Variants in ADAMTS17 observed in about 807,000 individuals in gnomAD.
ADAMTS17 encodes the protein ADAM metallopeptidase with thrombospondin type 1 motif 17.
ADAMTS17 carries 113 observed loss-of-function variants against 141.5 expected under a neutral mutation model. The observed-to-expected ratio is 0.80, with a 90% CI of 0.69 to 0.93. The LOEUF is 0.93. ADAMTS17 is among the 40% of genes least tolerant of loss of function. ADAMTS17 has a pLI of 0.00. For synonymous variants in ADAMTS17, 768 were observed against 630.6 expected (o/e 1.22, Z -3.27); for missense variants, 1,659 against 1,517.9 (o/e 1.09, Z -1.54).
chr15:100,299,175 T>G (rs2044932874), intron 3 of ADAMTS17, among the ~76,000 whole-genome samples: 1 of 152,148 alleles, frequency 6.6e-6, no homozygotes. Flanking sequence ...TAGTTAGTAC[T>G]TCAACCTATG....
chr15:100,218,919 G>A (rs2042050102), intron 7 of ADAMTS17, among the ~76,000 whole-genome samples: 1 of 151,742 alleles, frequency 6.6e-6, no homozygotes, highest in Non-Finnish European at 1.5e-5. Flanking sequence ...ACCTGAACAT[G>A]CACACGTCCA....
intron 3 of ADAMTS17, among the ~76,000 whole-genome samples, chr15:100,306,797 G>T (rs1178125730): frequency 6.6e-6 from 1 of 152,166 alleles, no homozygotes; most frequent in Non-Finnish European, 1.5e-5. Context: ...CCAAAGCGGG[G>T]ATGCAGCACC....
Position 100,233,664 on chromosome 15 carries a change from A to G in ADAMTS17, c.1075+20472T>C, listed in dbSNP as rs1026414689. On this transcript the variant is annotated intron_variant, in intron 7 of 21. Coordinates refer to ENST00000268070, the MANE Select transcript of ADAMTS17 (RefSeq NM_139057.4). ...GACAGAGAAACACGCAATGTCCAGC[A>G]ATAACTGAAAACTAAATGGAGAGGC... Among the ~76,000 whole-genome samples, 3 of 152,180 alleles carry G rather than the reference A, an allele frequency of 2.0e-5. No homozygotes were observed. In the East Asian group the frequency reaches 5.8e-4, roughly 29 times the overall value.
intron 7 of ADAMTS17, among the ~76,000 whole-genome samples, chr15:100,244,187 C>T (rs139837509): frequency 2.5e-3 from 384 of 151,946 alleles, no homozygotes; most frequent in African/African-American, 8.6e-3. Flanking sequence ...TATTCCCTAT[C>T]ACCAGAACAG....
At chr15:99,986,267 T>C (rs2573591) in intron 20 of ADAMTS17, among the ~76,000 whole-genome samples, 16,425 of 152,260 alleles carry the variant, frequency 0.11, 2,744 homozygotes, top group African/African-American at 0.36. Context: ...TCGTTCATTG[T>C]TAAGGTCATG....
intron 10 of ADAMTS17, among the ~76,000 whole-genome samples, chr15:100,140,484 CATACAT>C (rs1450866653): frequency 2.0e-4 from 8 of 40,826 alleles, no homozygotes; most frequent in African/African-American, 3.1e-4. Flanking sequence ...CACACACATA[CATACAT>C]ATATATATAT....
chr15:100,254,021 G>C, intron 7 of ADAMTS17, 115 bp downstream of exon 7: 1 of 976,206 alleles, frequency 1.0e-6, no homozygotes, highest in South Asian at 1.4e-5. Context: ...AGGAAGGAAG[G>C]CAACAGAATG....
chr15:100,189,183 C>G (rs920374412), intron 8 of ADAMTS17, among the ~76,000 whole-genome samples: 6 of 152,270 alleles, frequency 3.9e-5, no homozygotes, highest in Admixed American at 2.0e-4. Context: ...TAGGGTGCCT[C>G]TCCACTGTGT....
At chr15:100,130,296 G>A (rs924316243) in intron 12 of ADAMTS17, among the ~76,000 whole-genome samples, 3 of 151,788 alleles carry the variant, frequency 2.0e-5, no homozygotes, top group Non-Finnish European at 2.9e-5. Flanking sequence ...GCAGGGAGGC[G>A]GAGGTTGCAG....
intron 15 of ADAMTS17, among the ~76,000 whole-genome samples, chr15:100,064,016 C>T (rs1382468124): frequency 6.6e-6 from 1 of 152,290 alleles, no homozygotes; most frequent in South Asian, 2.1e-4. Flanking sequence ...TAACTGGGCC[C>T]CCCCTTCAAC....
At chr15:100,228,404 C>A (rs962715529) in intron 7 of ADAMTS17, among the ~76,000 whole-genome samples, 4 of 152,200 alleles carry the variant, frequency 2.6e-5, no homozygotes, top group Non-Finnish European at 5.9e-5. Flanking sequence ...CTGCTTTGCA[C>A]ATCACTATAA....
At chr15:100,015,169 C>T (rs993162561) in intron 18 of ADAMTS17, among the ~76,000 whole-genome samples, 6 of 152,244 alleles carry the variant, frequency 3.9e-5, no homozygotes, top group Admixed American at 1.3e-4. Flanking sequence ...TCGTCTGATA[C>T]GAGAATAGCT....
At chr15:100,110,120 T>C (rs1421918951) in intron 13 of ADAMTS17, among the ~76,000 whole-genome samples, 2 of 144,430 alleles carry the variant, frequency 1.4e-5, no homozygotes, top group Non-Finnish European at 3.0e-5. Flanking sequence ...AGCTTTCATT[T>C]TTTTGTCCCC....
chr15:100,242,823 G>A (rs908584858), intron 7 of ADAMTS17, among the ~76,000 whole-genome samples: 2 of 152,286 alleles, frequency 1.3e-5, no homozygotes, highest in African/African-American at 4.8e-5. Flanking sequence ...ATTATGTAAA[G>A]TATACATAAC....
chr15:99,984,756 G>A (rs1005776240), intron 20 of ADAMTS17, among the ~76,000 whole-genome samples: 1 of 152,182 alleles, frequency 6.6e-6, no homozygotes, highest in African/African-American at 2.4e-5. Context: ...CTGCTCTGAG[G>A]TCAATGACAA....
intron 7 of ADAMTS17, among the ~76,000 whole-genome samples, chr15:100,212,147 C>G (rs2041829476): frequency 6.6e-6 from 1 of 152,204 alleles, no homozygotes; most frequent in African/African-American, 2.4e-5. Flanking sequence ...CATCCTCATT[C>G]ACACATGGGG....
intron 7 of ADAMTS17, among the ~76,000 whole-genome samples, chr15:100,225,230 G>T (rs755791007): frequency 1.6e-4 from 24 of 152,236 alleles, no homozygotes; most frequent in Non-Finnish European, 4.4e-5. Context: ...AGGGCTAAAA[G>T]ATCCTTTTTA....
At chr15:100,220,299 A>C (rs1300225204) in intron 7 of ADAMTS17, among the ~76,000 whole-genome samples, 3 of 152,148 alleles carry the variant, frequency 2.0e-5, no homozygotes, top group Non-Finnish European at 4.4e-5. Flanking sequence ...TTTTTTGTTG[A>C]ACTGAAATAA....
chr15:100,177,396 C>T (rs1204023390), intron 8 of ADAMTS17, among the ~76,000 whole-genome samples: 1 of 152,122 alleles, frequency 6.6e-6, no homozygotes, highest in East Asian at 1.9e-4. Context: ...GAAGTTTCTT[C>T]TCTTATGGTT....
Sources: allele counts gnomAD v4.1 joint callset (sites outside exome capture counted in the v4.1 genomes callset), GRCh38; gene constraint gnomAD v4.1.1; transcripts MANE v1.5; gene names NCBI Gene and HGNC (gene_info 2026-07-23, HGNC 2026-07-21).